ZC3H18: variants seen among roughly 807,000 people sequenced by gnomAD.
ZC3H18 encodes zinc finger CCCH-type containing 18.
A neutral mutation model predicts 106.1 loss-of-function variants in ZC3H18; 8 were observed. The ratio of observed to expected loss-of-function variants is 0.08; its 90% CI spans 0.04 to 0.14. ZC3H18 has a LOEUF of 0.14. ZC3H18 is among the 10% of genes least tolerant of loss of function. ZC3H18 has a pLI of 1.00. For missense variants in ZC3H18, 1,318 were observed against 1,278.4 expected (o/e 1.03, Z -0.47); for synonymous variants, 635 against 522.1 (o/e 1.22, Z -2.95).
intron 1 of ZC3H18, among the ~76,000 whole-genome samples, chr16:88,575,914 G>A (rs1197319129): frequency 6.7e-6 from 1 of 148,186 alleles, no homozygotes; most frequent in Admixed American, 6.6e-5. Context: ...TTTTGTTTTT[G>A]TTTTGAGACG....
chr16:88,611,802 C>G (rs1905288393), intron 8 of ZC3H18, among the ~76,000 whole-genome samples: 1 of 152,244 alleles, frequency 6.6e-6, no homozygotes, highest in South Asian at 2.1e-4. Flanking sequence ...TGTGAAAATG[C>G]TTACAGTCCA....
chr16:88,589,093 G>A (rs11865270), intron 3 of ZC3H18, among the ~76,000 whole-genome samples: 2 of 152,054 alleles, frequency 1.3e-5, no homozygotes, highest in East Asian at 3.9e-4. Flanking sequence ...CTGCCTACCT[G>A]CAGTTTATAT....
At chr16:88,576,566 C>T (rs1162855991) in intron 1 of ZC3H18, among the ~76,000 whole-genome samples, 3 of 152,152 alleles carry the variant, frequency 2.0e-5, no homozygotes, top group Admixed American at 2.0e-4. Context: ...TTCTCGGAGG[C>T]CCTCAGAGGC....
chr16:88,578,075 G>C (rs1914874796), intron 2 of ZC3H18, among the ~76,000 whole-genome samples: 1 of 152,222 alleles, frequency 6.6e-6, no homozygotes, highest in Non-Finnish European at 1.5e-5. Flanking sequence ...CCGTCTTCAA[G>C]TGATACTCAA....
intron 10 of ZC3H18, 133 bp downstream of exon 10, chr16:88,623,477 GC>G: frequency 7.9e-7 from 1 of 1,265,436 alleles, no homozygotes; most frequent in Non-Finnish European, 1.1e-6. Context: ...AACTAGGATG[GC>G]CAGGGGGTCG....
At chr16:88,608,871 G>C (rs180966065) in intron 6 of ZC3H18, 63 bp from the exon 7 acceptor site, 2 of 1,346,884 alleles carry the variant, frequency 1.5e-6, no homozygotes, top group Non-Finnish European at 1.1e-6. Context: ...CTAATGTTTC[G>C]TGTGGTCTTT....
At chr16:88,594,092 T>C (rs774994063) in intron 3 of ZC3H18, among the ~76,000 whole-genome samples, 7 of 152,146 alleles carry the variant, frequency 4.6e-5, no homozygotes, top group Non-Finnish European at 8.8e-5. Context: ...CTGCATCTCT[T>C]CCTGGGGCTG....
At chr16:88,618,012 G>A (rs1029387944) in intron 8 of ZC3H18, among the ~76,000 whole-genome samples, 2 of 152,244 alleles carry the variant, frequency 1.3e-5, no homozygotes, top group African/African-American at 4.8e-5. Context: ...CTGGGTAAGG[G>A]ACTAGTGGAG....
chr16:88,623,104 C>T (rs963055779), intron 9 of ZC3H18, 115 bp from the exon 10 acceptor site: 12 of 1,444,448 alleles, frequency 8.3e-6, no homozygotes, highest in Middle Eastern at 2.2e-4. Flanking sequence ...CGCAGCTGTG[C>T]GCTTGTGTGT....
chr16:88,605,573 G>T (rs1315110766), intron 6 of ZC3H18, among the ~76,000 whole-genome samples: 2 of 152,246 alleles, frequency 1.3e-5, no homozygotes, highest in Non-Finnish European at 2.9e-5. Flanking sequence ...CCTCCACCTG[G>T]GTTGAGGTCA....
chr16:88,586,633 C>T lies in ZC3H18; in HGVS notation c.637C>T (p.Pro213Ser). Reference protein sequence around the residue: ...DDLEEGEVKDPSDRKVRPRPT... With the variant: ...DDLEEGEVKDSSDRKVRPRPT... ...CCTGGAAGAAGGTGAAGTGAAGGACCCCAGTGACAGGAAGGTGAGGCCTCG... is the reference window on the plus strand; with the variant it reads ...CCTGGAAGAAGGTGAAGTGAAGGACTCCAGTGACAGGAAGGTGAGGCCTCG... The change falls in exon 3 of 18, where the codon CCC becomes TCC. Residue 213 changes from proline to serine, a missense_variant. By Grantham distance (74) the Pro-to-Ser change is moderately conservative. Transcript: ENST00000301011. 6 of 1,614,150 alleles carry T rather than the reference C, an allele frequency of 3.7e-6. No individual in the cohort carries two copies. Among genetic ancestry groups the T allele is most frequent in the Non-Finnish European group, 5.1e-6 (6 of 1,180,016 alleles).
chr16:88,595,665 G>C (rs891515129), intron 3 of ZC3H18, among the ~76,000 whole-genome samples: 1 of 151,474 alleles, frequency 6.6e-6, no homozygotes, highest in Admixed American at 6.6e-5. Flanking sequence ...AAATTAGCCG[G>C]GCTTGGTGGT....
chr16:88,623,749 A>C, intron 10 of ZC3H18: 1 of 889,412 alleles, frequency 1.1e-6, no homozygotes, highest in South Asian at 2.3e-5. Context: ...AGGACCCGCC[A>C]GTGGATGCTG....
At chr16:88,576,436 C>T (rs1914754641) in intron 1 of ZC3H18, among the ~76,000 whole-genome samples, 1 of 152,174 alleles carries the variant, frequency 6.6e-6, no homozygotes, top group African/African-American at 2.4e-5. Context: ...AAGAGGGGTT[C>T]TCAACTTAGG....
chr16:88,588,768 T>G (rs2054282299), intron 3 of ZC3H18, among the ~76,000 whole-genome samples: 1 of 151,922 alleles, frequency 6.6e-6, no homozygotes, highest in South Asian at 2.1e-4. Flanking sequence ...TAGTCCCAGC[T>G]ACGTGGGGGG....
At chr16:88,596,472 T>G (rs759407482) in intron 3 of ZC3H18, among the ~76,000 whole-genome samples, 1 of 151,982 alleles carries the variant, frequency 6.6e-6, no homozygotes, top group Non-Finnish European at 1.5e-5. Context: ...AAGTCCCGTC[T>G]CTACTAAAAA....
intron 6 of ZC3H18, among the ~76,000 whole-genome samples, chr16:88,601,139 C>G (rs971931290): frequency 4.1e-4 from 63 of 152,336 alleles, no homozygotes; most frequent in African/African-American, 1.4e-3. Context: ...CCCCAGTGGC[C>G]CACACCTGCC....
At chr16:88,582,929 T>C (rs1915220133) in intron 2 of ZC3H18, among the ~76,000 whole-genome samples, 2 of 152,220 alleles carry the variant, frequency 1.3e-5, no homozygotes, top group Admixed American at 1.3e-4. Context: ...TGTTGTCACC[T>C]TTCTGAAGCC....
intron 1 of ZC3H18, among the ~76,000 whole-genome samples, chr16:88,573,947 A>C (rs1293291851): frequency 1.3e-5 from 2 of 151,604 alleles, no homozygotes; most frequent in African/African-American, 4.8e-5. Flanking sequence ...ATCTTGGCTC[A>C]CTGCAACCTC....
Sources: gnomAD v4.1 joint callset for allele counts (sites outside exome capture counted in the v4.1 genomes callset) on GRCh38, gnomAD v4.1.1 for gene constraint, MANE v1.5 for transcripts, NCBI Gene and HGNC (gene_info 2026-07-23, HGNC 2026-07-21) for gene names.